The following BCL2 variants were observed in gnomAD, a reference collection of about 807,000 sequenced individuals.
BCL2 encodes BCL2 apoptosis regulator.
BCL2 carries 1 observed loss-of-function variant against 14.2 expected under a neutral mutation model. The observed-to-expected ratio is 0.07, with a 90% CI of 0.02 to 0.33. BCL2 has a LOEUF of 0.33. BCL2 is among the 10% of genes least tolerant of loss of function. The probability of loss-of-function intolerance (pLI) is 0.99; values close to 1 mark genes in which losing one functional copy is unlikely to be tolerated. For synonymous variants in BCL2, 151 were observed against 137.2 expected, an observed-to-expected ratio of 1.10 and a Z score of -0.70; for missense variants, 247 against 305.9, an observed-to-expected ratio of 0.81 and a Z score of 1.44.
chr18:63,177,448 G>C (rs540065542), intron 2 of BCL2, among the ~76,000 whole-genome samples: 5 of 152,294 alleles, frequency 3.3e-5, no homozygotes, highest in African/African-American at 1.2e-4. Context: ...GGTTCCCCGC[G>C]TGCTAATATC....
chr18:63,270,503 G>C (rs955476998), intron 2 of BCL2, among the ~76,000 whole-genome samples: 11 of 152,066 alleles, frequency 7.2e-5, no homozygotes, highest in Non-Finnish European at 1.5e-4. Flanking sequence ...TAAAAAGAGG[G>C]AAAGTATTTA....
chr18:63,245,488 G>A (rs181124667), intron 2 of BCL2, among the ~76,000 whole-genome samples: 43 of 152,282 alleles, frequency 2.8e-4, no homozygotes, highest in Admixed American at 2.5e-3. Context: ...AGCATCTGCT[G>A]CCATTTCTCA....
intron 2 of BCL2, among the ~76,000 whole-genome samples, chr18:63,177,730 T>C (rs912017454): frequency 6.6e-6 from 1 of 152,202 alleles, no homozygotes; most frequent in Non-Finnish European, 1.5e-5. Context: ...CTTTTACATT[T>C]TTAATGATGG....
chr18:63,154,571 G>C (rs1251355449), intron 2 of BCL2, among the ~76,000 whole-genome samples: 1 of 152,172 alleles, frequency 6.6e-6, no homozygotes, highest in Non-Finnish European at 1.5e-5. Flanking sequence ...TTCCTCTACA[G>C]ATCCTGGCTC....
chr18:63,303,147 C>A (rs756862544), intron 2 of BCL2, among the ~76,000 whole-genome samples: 3 of 152,076 alleles, frequency 2.0e-5, no homozygotes, highest in Non-Finnish European at 2.9e-5. Context: ...AGACTTTCCC[C>A]ACCTTTTTAT....
chr18:63,145,665 T>C (rs1355200984), intron 2 of BCL2, among the ~76,000 whole-genome samples: 1 of 152,256 alleles, frequency 6.6e-6, no homozygotes, highest in Non-Finnish European at 1.5e-5. Context: ...GGCCAGAAGT[T>C]TGCAAGGCAA....
chr18:63,302,014 AAAG>A (rs1912973902), intron 2 of BCL2, among the ~76,000 whole-genome samples: 1 of 152,180 alleles, frequency 6.6e-6, no homozygotes, highest in Non-Finnish European at 1.5e-5. Context: ...GAATATTTTT[AAAG>A]TAGTCTGGTC....
intron 2 of BCL2, among the ~76,000 whole-genome samples, chr18:63,306,505 C>T (rs540902451): frequency 3.3e-5 from 5 of 152,256 alleles, no homozygotes; most frequent in Non-Finnish European, 7.3e-5. Flanking sequence ...AGGCTGAACT[C>T]CTCAGCTCCT....
At chr18:63,257,331 G>A (rs181956010) in intron 2 of BCL2, among the ~76,000 whole-genome samples, 31 of 152,286 alleles carry the variant, frequency 2.0e-4, no homozygotes, top group African/African-American at 4.3e-4. Flanking sequence ...CAAGAAAAAC[G>A]AATAGACAGT....
At chr18:63,197,011 AG>A (rs1441143692) in intron 2 of BCL2, among the ~76,000 whole-genome samples, 66 of 152,348 alleles carry the variant, frequency 4.3e-4, no homozygotes, top group Non-Finnish European at 2.2e-4. Flanking sequence ...AGCCAAAAAA[AG>A]GTCTTCTTCA....
At chr18:63,214,538 T>C (rs966513625) in intron 2 of BCL2, among the ~76,000 whole-genome samples, 48 of 152,180 alleles carry the variant, frequency 3.2e-4, no homozygotes, top group Admixed American at 2.8e-3. Flanking sequence ...TGATGTGTTG[T>C]ACCATTTGAG....
intron 2 of BCL2, among the ~76,000 whole-genome samples, chr18:63,227,312 A>T (rs945510408): frequency 6.6e-6 from 1 of 152,236 alleles, no homozygotes; most frequent in African/African-American, 2.4e-5. Context: ...TAGCTATTCA[A>T]GGATGTACTT....
intron 2 of BCL2, among the ~76,000 whole-genome samples, chr18:63,164,830 G>C (rs745533509): frequency 1.3e-5 from 2 of 152,188 alleles, no homozygotes; most frequent in Non-Finnish European, 2.9e-5. Context: ...GGAAACCTTG[G>C]TAGCCCTGTA....
intron 2 of BCL2, among the ~76,000 whole-genome samples, chr18:63,232,293 A>T (rs1268885109): frequency 6.6e-6 from 1 of 152,142 alleles, no homozygotes; most frequent in Non-Finnish European, 1.5e-5. Flanking sequence ...AGAAGGAAAG[A>T]AGATAAAATT....
chr18:63,234,005 T>C (rs1212241663), intron 2 of BCL2, among the ~76,000 whole-genome samples: 3 of 152,250 alleles, frequency 2.0e-5, no homozygotes, highest in Non-Finnish European at 4.4e-5. Flanking sequence ...AGTTCATAAT[T>C]TTTAAAGTTA....
At chr18:63,281,806 A>T (rs1187158519) in intron 2 of BCL2, among the ~76,000 whole-genome samples, 1 of 152,242 alleles carries the variant, frequency 6.6e-6, no homozygotes, top group Non-Finnish European at 1.5e-5. Context: ...ACATCTCCAC[A>T]CACCAGAGAA....
intron 2 of BCL2, among the ~76,000 whole-genome samples, chr18:63,215,135 T>A (rs1910165399): frequency 6.6e-6 from 1 of 152,214 alleles, no homozygotes; most frequent in African/African-American, 2.4e-5. Flanking sequence ...CATATTTGTC[T>A]TGATGTTTTG....
At chr18:63,137,372 T>A (rs879434798) in intron 2 of BCL2, among the ~76,000 whole-genome samples, 2 of 152,250 alleles carry the variant, frequency 1.3e-5, no homozygotes, top group Non-Finnish European at 2.9e-5. Flanking sequence ...ATGTTTTATT[T>A]ATCTTTGGAT....
intron 2 of BCL2, among the ~76,000 whole-genome samples, chr18:63,199,854 C>G (rs1308609334): frequency 6.6e-6 from 1 of 152,120 alleles, no homozygotes; most frequent in East Asian, 1.9e-4. Context: ...ATCAAGAAAC[C>G]CTGACATTTC....
Sources: gnomAD v4.1 joint callset for allele counts (sites outside exome capture counted in the v4.1 genomes callset) on GRCh38, gnomAD v4.1.1 for gene constraint, MANE v1.5 for transcripts, NCBI Gene and HGNC (gene_info 2026-07-23, HGNC 2026-07-21) for gene names.